Variants in ACBD6 observed in about 807,000 individuals in gnomAD.
The protein encoded by ACBD6 is acyl-CoA binding domain containing 6.
ACBD6 carries 28 observed loss-of-function variants against 37.2 expected under a neutral mutation model. That is an observed-to-expected ratio of 0.75 (90% confidence interval 0.56 to 1.03). The LOEUF (loss-of-function observed/expected upper bound fraction) is 1.03, where lower values mean the gene tolerates loss of function less well. ACBD6 is among the 50% of genes least tolerant of loss of function. The pLI, the probability that ACBD6 is intolerant of heterozygous loss-of-function variation, is 0.00. For synonymous variants in ACBD6, 113 were observed against 126.8 expected (o/e 0.89, Z 0.73); for missense variants, 340 against 337.4 (o/e 1.01, Z -0.06).
chr1:180,446,623 T>A (rs1271066218), intron 3 of ACBD6, among the ~76,000 whole-genome samples: 1 of 152,206 alleles, frequency 6.6e-6, no homozygotes, highest in Non-Finnish European at 1.5e-5. Context: ...TTGCTACTTA[T>A]AACAGTAATA....
intron 6 of ACBD6, among the ~76,000 whole-genome samples, chr1:180,338,393 T>C (rs544943087): frequency 0.052 from 7,913 of 152,196 alleles, 659 homozygotes; most frequent in African/African-American, 0.17. Context: ...AACTATCTGA[T>C]CTTTGACAAA....
At chr1:180,467,688 A>G (rs897634136) in intron 3 of ACBD6, among the ~76,000 whole-genome samples, 1 of 152,040 alleles carries the variant, frequency 6.6e-6, no homozygotes, top group African/African-American at 2.4e-5. Context: ...CCAAAATGAG[A>G]TCAATCTAAA....
chr1:180,424,989 T>G (rs1403181420), intron 4 of ACBD6, among the ~76,000 whole-genome samples: 1 of 152,212 alleles, frequency 6.6e-6, no homozygotes, highest in Non-Finnish European at 1.5e-5. Flanking sequence ...GGACCCATTT[T>G]CACATAATCT....
chr1:180,363,463 C>G (rs891784260), intron 6 of ACBD6, among the ~76,000 whole-genome samples: 4 of 152,074 alleles, frequency 2.6e-5, no homozygotes, highest in Non-Finnish European at 5.9e-5. Context: ...TTCAGTGAGG[C>G]AAGTTAGTTT....
At chr1:180,272,697 G>A (rs890430999) in intron 12 of ACBD6, 16 of 152,236 alleles carry the variant, frequency 1.1e-4, no homozygotes, top group African/African-American at 2.9e-4. Flanking sequence ...GGTCTTCTGC[G>A]GAGGGGGAAA....
At chr1:180,413,876 T>A (rs936024904) in intron 4 of ACBD6, among the ~76,000 whole-genome samples, 2 of 152,188 alleles carry the variant, frequency 1.3e-5, no homozygotes, top group Admixed American at 1.3e-4. Context: ...ATATTGCACG[T>A]GCTAATTCAC....
In ACBD6 at chr1:180,502,125, T is replaced by C. The variant is rs1652007309; in HGVS notation, c.142A>G (p.Lys48Glu). Residue 48 changes from lysine (K) to glutamate (E), a missense_variant, in exon 1 of 8, where the codon AAG (lysine) becomes GAG (glutamate). By Grantham distance (56) the Lys-to-Glu change is moderately conservative. Transcript: ENST00000367595. ...AGGCCTTGCAGGTGCGCGGCAGCCTTCTCAAACAGCTCGGCCAGGCAACTG... is the reference window on the plus strand; with the variant it reads ...AGGCCTTGCAGGTGCGCGGCAGCCTCCTCAAACAGCTCGGCCAGGCAACTG... ...ETSCLAELFEKAAAHLQGLIQ... is the reference protein window; with the variant it reads ...ETSCLAELFEEAAAHLQGLIQ... 1 of 1,613,996 alleles carries C rather than the reference T, an allele frequency of 6.2e-7. No individual in the cohort carries two copies. Among genetic ancestry groups the C allele is most frequent in the East Asian group, 2.2e-5 (1 of 44,860 alleles).
chr1:180,351,955 T>C (rs1219842613), intron 6 of ACBD6, among the ~76,000 whole-genome samples: 1 of 152,068 alleles, frequency 6.6e-6, no homozygotes, highest in Non-Finnish European at 1.5e-5. Flanking sequence ...ACAAAGTGAG[T>C]ATTATTTGGC....
chr1:180,358,451 A>C (rs75568858), intron 6 of ACBD6, among the ~76,000 whole-genome samples: 133,745 of 149,160 alleles, frequency 0.9, 60,117 homozygotes, highest in Middle Eastern at 0.96. Flanking sequence ...CAACAACAAA[A>C]AAAAAAAACC....
At chr1:180,490,961 T>TAAAAAAA (rs67650274) in intron 3 of ACBD6, among the ~76,000 whole-genome samples, 1 of 93,850 alleles carries the variant, frequency 1.1e-5, no homozygotes. Flanking sequence ...CTGTCTCATA[T>TAAAAAAA]AAAAAAAAAA....
intron 7 of ACBD6, among the ~76,000 whole-genome samples, chr1:180,312,493 AATG>A (rs1281662311): frequency 6.6e-6 from 1 of 152,150 alleles, no homozygotes; most frequent in African/African-American, 2.4e-5. Context: ...ATTGTTTGAG[AATG>A]ATGATGATTT....
At chr1:180,324,781 G>A (rs1651195398) in intron 6 of ACBD6, among the ~76,000 whole-genome samples, 1 of 152,172 alleles carries the variant, frequency 6.6e-6, no homozygotes, top group Admixed American at 6.5e-5. Flanking sequence ...GACAGGTGTA[G>A]TGCTGACAAA....
At chr1:180,386,725 C>T (rs1278931997) in intron 6 of ACBD6, among the ~76,000 whole-genome samples, 2 of 151,968 alleles carry the variant, frequency 1.3e-5, no homozygotes, top group African/African-American at 4.8e-5. Context: ...ATTTTTATTT[C>T]AGCTATTATA....
chr1:180,394,215 T>C (rs1654175776), intron 6 of ACBD6, among the ~76,000 whole-genome samples: 1 of 151,850 alleles, frequency 6.6e-6, no homozygotes, highest in Admixed American at 6.6e-5. Flanking sequence ...CACCACAGCC[T>C]CCAGAGTAGT....
chr1:180,466,852 A>G (rs1218094126), intron 3 of ACBD6, among the ~76,000 whole-genome samples: 1 of 152,132 alleles, frequency 6.6e-6, no homozygotes, highest in Non-Finnish European at 1.5e-5. Flanking sequence ...AGTTATTGTG[A>G]CCAGTAAATA....
chr1:180,434,583 T>C (rs918567703), intron 3 of ACBD6, among the ~76,000 whole-genome samples: 8 of 152,250 alleles, frequency 5.3e-5, no homozygotes, highest in African/African-American at 1.9e-4. Flanking sequence ...TTAACTCAGA[T>C]ATTCCTTTCT....
chr1:180,424,923 G>C (rs78318002), intron 4 of ACBD6, among the ~76,000 whole-genome samples: 1 of 152,140 alleles, frequency 6.6e-6, no homozygotes, highest in African/African-American at 2.4e-5. Flanking sequence ...GTGAATATGA[G>C]AGCCAGGAGA....
chr1:180,307,591 G>A (rs1160915344), intron 7 of ACBD6, among the ~76,000 whole-genome samples: 1 of 152,154 alleles, frequency 6.6e-6, no homozygotes, highest in Non-Finnish European at 1.5e-5. Flanking sequence ...ATTACACATT[G>A]GATCCCTGTA....
intron 5 of ACBD6, among the ~76,000 whole-genome samples, chr1:180,398,514 T>C (rs17372474): frequency 0.02 from 3,117 of 152,278 alleles, 50 homozygotes; most frequent in Admixed American, 0.034. Flanking sequence ...TCTATCAGTG[T>C]CTATCACCAA....
Sources: gnomAD v4.1 joint callset for allele counts (sites outside exome capture counted in the v4.1 genomes callset) on GRCh38, gnomAD v4.1.1 for gene constraint, MANE v1.5 for transcripts, NCBI Gene and HGNC (gene_info 2026-07-23, HGNC 2026-07-21) for gene names.